OGA: variants seen among roughly 807,000 people sequenced by gnomAD.
The protein encoded by OGA is protein O-GlcNAcase.
A neutral mutation model predicts 102.0 loss-of-function variants in OGA; 21 were observed. The ratio of observed to expected loss-of-function variants is 0.21; its 90% CI spans 0.15 to 0.30. OGA has a LOEUF of 0.30. OGA is among the 10% of genes least tolerant of loss of function. OGA has a pLI of 1.00. For synonymous variants in OGA, 408 were observed against 378.2 expected (o/e 1.08, Z -0.91); for missense variants, 765 against 1,107.8 (o/e 0.69, Z 4.39).
rs1054813125 is a variant in OGA, at chr10:101,785,994, T to C, written c.*457A>G. ...CATCCCACTTGGAATCACTCCACCCTGACACTTCTGAAACCCACTCTTTCT... is the reference window on the plus strand; with the variant it reads ...CATCCCACTTGGAATCACTCCACCCCGACACTTCTGAAACCCACTCTTTCT... On this transcript the variant is annotated 3_prime_UTR_variant, in exon 16 of 16. Transcript: ENST00000361464. 29 of 152,746 alleles carry C rather than the reference T, an allele frequency of 1.9e-4. No individual in the cohort carries two copies. The highest frequency in any genetic ancestry group is 7.0e-4 in the African/African-American group (29 of 41,468). 9.5% of individuals were successfully genotyped at this position (152,746 alleles called of 1,614,324 possible).
At chr10:101,791,469 T>C in intron 12 of OGA, 30 bp from the exon 13 acceptor site, 1 of 1,570,648 alleles carries the variant, frequency 6.4e-7, no homozygotes, top group Non-Finnish European at 8.8e-7. Flanking sequence ...AAGCAACACA[T>C]CAAGAAAAAT....
chr10:101,813,195 C>T, intron 2 of OGA, 68 bp from the exon 3 acceptor site: 1 of 1,025,806 alleles, frequency 9.7e-7, no homozygotes, highest in East Asian at 2.4e-5. Context: ...CTCCATTTCC[C>T]TCTTCTTGGA....
chr10:101,798,261 C>T, intron 9 of OGA, 107 bp from the exon 10 acceptor site: 11 of 979,454 alleles, frequency 1.1e-5, no homozygotes, highest in Non-Finnish European at 1.5e-5. Context: ...GGCAATTTAT[C>T]TTAACCATTA....
At chr10:101,790,558 C>T (rs1020749373) in intron 14 of OGA, among the ~76,000 whole-genome samples, 3 of 151,906 alleles carry the variant, frequency 2.0e-5, no homozygotes, top group Non-Finnish European at 4.4e-5. Flanking sequence ...ATTACAGGCA[C>T]GAGCCACTGT....
intron 14 of OGA, among the ~76,000 whole-genome samples, chr10:101,788,355 C>T (rs2065216295): frequency 6.7e-6 from 1 of 148,996 alleles, no homozygotes; most frequent in African/African-American, 2.5e-5. Context: ...AGGAGAATTG[C>T]TTGAACCCGG....
chr10:101,805,954 C>CA (rs938614906), intron 6 of OGA, 91 bp downstream of exon 6: 4,712 of 764,616 alleles, frequency 6.2e-3, no homozygotes, highest in Non-Finnish European at 7.2e-3. Flanking sequence ...GACTCCGTCT[C>CA]AAAAAAAAAA....
intron 11 of OGA, 28 bp downstream of exon 11, chr10:101,793,885 C>T (rs1327426851): frequency 6.6e-7 from 1 of 1,505,508 alleles, no homozygotes; most frequent in Non-Finnish European, 9.2e-7. Flanking sequence ...AAGAAAATGT[C>T]AATTCAGTTG....
chr10:101,809,968 G>A (rs1258624716), intron 4 of OGA, among the ~76,000 whole-genome samples: 5 of 151,264 alleles, frequency 3.3e-5, no homozygotes, highest in African/African-American at 1.2e-4. Flanking sequence ...ACTTGAACCC[G>A]GGAGGCGGAG....
Position 101,791,042 on chromosome 10 carries a change from G to C in OGA, c.2308C>G (p.Leu770Val), listed in dbSNP as rs760663008. The C allele has an allele frequency of 1.9e-5, 30 of 1,613,438 alleles. No individual in the cohort carries two copies. Among genetic ancestry groups the C allele is most frequent in the Non-Finnish European group, 2.5e-5 (30 of 1,179,862 alleles). Reference protein sequence around the residue: ...LSLSLDYCFVLEDEDGICGYA... With the variant: ...LSLSLDYCFVVEDEDGICGYA... Reference sequence around the variant, plus strand: ...CCACATATGCCATCTTCATCTTCTAGGACAAAGCAGTAATCCAGGCTGAGG... The same window carrying C: ...CCACATATGCCATCTTCATCTTCTACGACAAAGCAGTAATCCAGGCTGAGG... Residue 770 changes from leucine (L) to valine (V), a missense_variant, in exon 14 of 16, where the codon CTA (leucine) becomes GTA (valine). This residue lies in a region of OGA where 146 missense variants were observed against 269.7 expected (regional missense o/e 0.54). Coordinates refer to ENST00000361464, the MANE Select transcript of OGA (RefSeq NM_012215.5).
chr10:101,818,147 C>T lies in OGA; in HGVS notation c.-125G>A. The T allele has an allele frequency of 7.2e-7, 1 of 1,382,294 alleles. No homozygotes were observed. Among genetic ancestry groups the T allele is most frequent in the Non-Finnish European group, 9.3e-7 (1 of 1,070,526 alleles). The allele number at this position is 1,382,294 out of a possible 1,614,324, so 85.6% of individuals were successfully genotyped here. A position where few individuals can be genotyped will look rare whatever the true frequency, so the allele number is the denominator to read the frequency against. On this transcript the variant is annotated 5_prime_UTR_variant, in exon 1 of 16. Coordinates refer to ENST00000361464, the MANE Select transcript of OGA (RefSeq NM_012215.5). ...TGCGCCCCTCCGGCTCCTTCCCCTC[C>T]CCCTCTGCCCTTCCCCCTCCCTCTC...
chr10:101,814,562 C>G (rs2135099020), intron 1 of OGA, among the ~76,000 whole-genome samples: 1 of 152,236 alleles, frequency 6.6e-6, no homozygotes, highest in East Asian at 1.9e-4. Flanking sequence ...TGCATTCCAG[C>G]CTAGGTGACA....
In OGA at chr10:101,792,811, C is replaced by G. The variant is rs193155702; in HGVS notation, c.2175+28G>C. On this transcript the variant is annotated intron_variant, in intron 12 of 15. Coordinates refer to ENST00000361464, the MANE Select transcript of OGA (RefSeq NM_012215.5). ...TTTAAGTGTGCACCATACCCATACACCAAGTTGGTAGGTAGAGAGACAATT... is the reference window on the plus strand; with the variant it reads ...TTTAAGTGTGCACCATACCCATACAGCAAGTTGGTAGGTAGAGAGACAATT... 9.3e-6 allele frequency: 14 copies of G among 1,500,704 alleles called. No individual in the cohort carries two copies. The Admixed American group carries it at 2.2e-4, about 23-fold the overall frequency. The allele number at this position is 1,500,704 out of a possible 1,614,324, so 93.0% of individuals were successfully genotyped here.
Position 101,817,961 on chromosome 10 carries a change from G to T in OGA, c.62C>A (p.Pro21His). The T allele has an allele frequency of 6.2e-7, 1 of 1,604,378 alleles. No homozygotes were observed. The highest frequency in any genetic ancestry group is 2.3e-5 in the East Asian group (1 of 44,314). The change falls in exon 1 of 16, where the codon CCT (proline) becomes CAT (histidine). Residue 21 changes from proline (P) to histidine (H), a missense_variant. This residue lies in a region of OGA where 117 missense variants were observed against 85.7 expected (regional missense o/e 1.36). Transcript: ENST00000361464. ...EERESELSSN[P>H]AASAGASLEP... Reference sequence around the variant, plus strand: ...CAGCGATGCCCCCGCAGAGGCGGCAGGGTTGGAGCTGAGCTCGCTCTCCCG... The same window carrying T: ...CAGCGATGCCCCCGCAGAGGCGGCATGGTTGGAGCTGAGCTCGCTCTCCCG...
At chr10:101,797,922 A>G in intron 10 of OGA, 58 bp downstream of exon 10, 1 of 1,529,404 alleles carries the variant, frequency 6.5e-7, no homozygotes. Context: ...CCTGTGGGAT[A>G]ATTTTTTTTA....
chr10:101,810,867 T>C (rs2065545118), intron 3 of OGA, among the ~76,000 whole-genome samples: 1 of 152,150 alleles, frequency 6.6e-6, no homozygotes, highest in African/African-American at 2.4e-5. Flanking sequence ...CTAATTTTTG[T>C]TTAGTAGAGA....
Position 101,798,149 on chromosome 10 carries a change from T to C in OGA, c.1815A>G (p.Glu605=). The change falls in exon 10 of 16, where the codon GAA becomes GAG. Residue 605 remains glutamate (E), a synonymous_variant. Coordinates refer to ENST00000361464, the MANE Select transcript of OGA (RefSeq NM_012215.5). The stretch of plus-strand genomic sequence containing the variant: ...ACTTGGCTGCTCGTGACCGCCATTC[T>C]TCAATCTATTGAAGATCAATAAAAA... ...NCKGKDSEKI[E]EWRSRAAKFE... is the part of the protein sequence containing the mutation. 6.2e-7 allele frequency: 1 copy of C among 1,613,920 alleles called. No individual in the cohort carries two copies. The highest frequency in any genetic ancestry group is 8.5e-7 in the Non-Finnish European group (1 of 1,179,942).
At chr10:101,811,505 C>A (rs1237326726) in intron 3 of OGA, among the ~76,000 whole-genome samples, 2 of 149,442 alleles carry the variant, frequency 1.3e-5, no homozygotes, top group Non-Finnish European at 1.5e-5. Context: ...GAGTTTGAGA[C>A]CAGCACAGGC....
intron 5 of OGA, among the ~76,000 whole-genome samples, chr10:101,806,865 A>G (rs2065482778): frequency 6.6e-6 from 1 of 152,194 alleles, no homozygotes; most frequent in Non-Finnish European, 1.5e-5. Flanking sequence ...CTTGAGCCCA[A>G]GAGTTCGACA....
At position 101,798,158 on chromosome 10, in the gene OGA, T is replaced by C. The variant is rs776598899; in HGVS notation, c.1810-4A>G. ...CTCGTGACCGCCATTCTTCAATCTA[T>C]TGAAGATCAATAAAAAGACTCAAAA... On this transcript the variant is annotated splice_polypyrimidine_tract_variant and splice_region_variant and intron_variant, in intron 9 of 15. Transcript: ENST00000361464. 10 of 1,611,542 alleles carry C rather than the reference T, an allele frequency of 6.2e-6. No individual in the cohort carries two copies. Among genetic ancestry groups the C allele is most frequent in the Middle Eastern group, 1.7e-4 (1 of 6,052 alleles).
Sources: allele counts gnomAD v4.1 joint callset (sites outside exome capture counted in the v4.1 genomes callset), GRCh38; gene constraint gnomAD v4.1.1; regional missense constraint gnomAD v4.1.1; transcripts MANE v1.5; gene names NCBI Gene and HGNC (gene_info 2026-07-23, HGNC 2026-07-21).